MCF2: variants seen among roughly 807,000 people sequenced by gnomAD.
MCF2 encodes the protein proto-oncogene DBL.
In MCF2, 44 loss-of-function variants were observed where a neutral mutation model predicts 82.5. The ratio of observed to expected loss-of-function variants is 0.53; its 90% CI spans 0.42 to 0.69. The LOEUF is 0.69. Ranked by LOEUF, MCF2 falls within the 30% of genes least tolerant of loss-of-function variation. The pLI is 0.00. For missense variants in MCF2, 623 were observed against 663.1 expected, an observed-to-expected ratio of 0.94 and a Z score of 0.66; for synonymous variants, 217 against 224.9, an observed-to-expected ratio of 0.96 and a Z score of 0.32.
rs763335148 is a variant in MCF2 at position 139,651,710 on chromosome X, G to C, written c.25+10C>G. ...ATCTATCTGGACTATATATAAGAAAGTTTGCTTACCAGACAAGAAGGCGAT... is the reference window on the plus strand; with the variant it reads ...ATCTATCTGGACTATATATAAGAAACTTTGCTTACCAGACAAGAAGGCGAT... On this transcript the variant is annotated intron_variant, in intron 2 of 27. Transcript: ENST00000414978. 36 of 1,123,584 alleles carry C rather than the reference G, an allele frequency of 3.2e-5. No individual in the cohort carries two copies. In the South Asian group the frequency reaches 6.8e-4, roughly 21 times the overall value. 92.6% of individuals were successfully genotyped at this position (1,123,584 alleles called of 1,213,427 possible). A position where few individuals can be genotyped will look rare whatever the true frequency, so the allele number is the denominator to read the frequency against.
intron 10 of MCF2, 118 bp downstream of exon 13, chrX:139,614,763 G>T: frequency 1.5e-6 from 1 of 680,379 alleles, no homozygotes; most frequent in Non-Finnish European, 2.2e-6. Flanking sequence ...TATGACCAAA[G>T]ATGCTAAAGT....
At chrX:139,651,922 A>C in intron 1 of MCF2, 134 bp from the exon 2 acceptor site, 2 of 389,670 alleles carry the variant, frequency 5.1e-6, no homozygotes, top group Non-Finnish European at 9.1e-6. Context: ...GACACTGTCG[A>C]TCTCTTTCCT....
intron 4 of MCF2, among the ~76,000 whole-genome samples, chrX:139,628,073 T>C (rs1603293206): frequency 8.9e-6 from 1 of 111,987 alleles, no homozygotes; most frequent in East Asian, 2.8e-4. Flanking sequence ...TCTGGAGATT[T>C]CTCAAAGAGC....
chrX:139,697,830 A>T (rs1935412523), intron 1 of MCF2, among the ~76,000 whole-genome samples: 1 of 112,668 alleles, frequency 8.9e-6, no homozygotes, highest in African/African-American at 3.2e-5. Context: ...GTGCTTTAAA[A>T]GAAGTAGCCC....
chrX:139,637,464 T>C (rs1933296285), intron 1 of MCF2, among the ~76,000 whole-genome samples: 2 of 111,879 alleles, frequency 1.8e-5, no homozygotes, highest in Admixed American at 9.5e-5. Flanking sequence ...TTTTAAAGTA[T>C]GACATTTATG....
chrX:139,652,721 T>G (rs1204063222), intron 1 of MCF2, among the ~76,000 whole-genome samples: 3 of 111,196 alleles, frequency 2.7e-5, no homozygotes, highest in Non-Finnish European at 5.7e-5. Flanking sequence ...GTTTCACATC[T>G]CTTACTGAAG....
intron 6 of MCF2, among the ~76,000 whole-genome samples, chrX:139,624,169 G>A (rs1168695617): frequency 9.0e-6 from 1 of 111,367 alleles, no homozygotes; most frequent in African/African-American, 3.3e-5. Context: ...TGGTATTCTA[G>A]CTGGTCATAT....
intron 8 of MCF2, 124 bp from the exon 12 acceptor site, chrX:139,616,597 TA>T (rs370918316): frequency 0.066 from 16,093 of 245,469 alleles, 66 homozygotes; most frequent in East Asian, 0.095. Flanking sequence ...TCAGAGCTGT[TA>T]AAAAAAAAAA....
intron 23 of MCF2, 121 bp from the exon 28 acceptor site, chrX:139,585,299 A>C: frequency 6.5e-6 from 3 of 459,368 alleles, no homozygotes; most frequent in Non-Finnish European, 1.1e-5. Flanking sequence ...TAACCAATCT[A>C]ATGTAAGCAG....
chrX:139,629,750 A>C (rs1167962309), exon 4 of MCF2: 1 of 1,204,301 alleles, frequency 8.3e-7, no homozygotes, highest in Non-Finnish European at 1.1e-6. Flanking sequence ...TATTGAGGGA[A>C]TATCATCTGG....
intron 15 of MCF2, among the ~76,000 whole-genome samples, chrX:139,603,765 G>A (rs1251446794): frequency 5.4e-5 from 6 of 110,322 alleles, no homozygotes; most frequent in East Asian, 2.9e-4. Context: ...AACCCGGGAC[G>A]TGGAGGTTGC....
At chrX:139,603,324 T>C (rs1448830654) in intron 15 of MCF2, among the ~76,000 whole-genome samples, 3 of 112,165 alleles carry the variant, frequency 2.7e-5, no homozygotes, top group Admixed American at 9.5e-5. Flanking sequence ...CAATGAGAGA[T>C]ACAACAATAT....
At chrX:139,678,587 A>C (rs1934928818) in intron 1 of MCF2, among the ~76,000 whole-genome samples, 1 of 112,377 alleles carries the variant, frequency 8.9e-6, no homozygotes, top group Non-Finnish European at 1.9e-5. Flanking sequence ...AAGAATTAGT[A>C]ATTAATATCA....
At chrX:139,661,095 T>C (rs1014905160) in intron 1 of MCF2, among the ~76,000 whole-genome samples, 3 of 111,740 alleles carry the variant, frequency 2.7e-5, no homozygotes, top group Non-Finnish European at 5.6e-5. Context: ...TAATGAGACA[T>C]GTAAGCTGAG....
chrX:139,696,085 G>A (rs1935373248), intron 1 of MCF2, among the ~76,000 whole-genome samples: 1 of 111,442 alleles, frequency 9.0e-6, no homozygotes, highest in African/African-American at 3.3e-5. Flanking sequence ...AACTCTTTTG[G>A]AAATAAGGCC....
intron 10 of MCF2, among the ~76,000 whole-genome samples, chrX:139,613,011 T>C (rs1164557232): frequency 8.9e-6 from 1 of 111,795 alleles, no homozygotes; most frequent in Non-Finnish European, 1.9e-5. Context: ...TTTAGAACCA[T>C]AATCTACATT....
intron 1 of MCF2, among the ~76,000 whole-genome samples, chrX:139,639,436 C>T (rs2148508976): frequency 9.0e-6 from 1 of 111,624 alleles, no homozygotes; most frequent in East Asian, 2.8e-4. Context: ...TCACATAGGA[C>T]TCGGAGCCAT....
intron 19 of MCF2, among the ~76,000 whole-genome samples, chrX:139,593,662 G>A (rs1929724365): frequency 9.0e-6 from 1 of 111,276 alleles, no homozygotes; most frequent in Admixed American, 9.6e-5. Flanking sequence ...ACCGAATCCA[G>A]CAGCACATCA....
At chrX:139,641,731 A>G (rs1362812447) in intron 1 of MCF2, among the ~76,000 whole-genome samples, 1 of 111,613 alleles carries the variant, frequency 9.0e-6, no homozygotes, top group Non-Finnish European at 1.9e-5. Context: ...GTGTTATTTC[A>G]ACATTTCTCC....
Sources: gnomAD v4.1 joint callset for allele counts (sites outside exome capture counted in the v4.1 genomes callset) on GRCh38, gnomAD v4.1.1 for gene constraint, MANE v1.5 for transcripts, NCBI Gene and HGNC (gene_info 2026-07-23, HGNC 2026-07-21) for gene names.